Variants in MYT1L observed in about 807,000 individuals in gnomAD.
MYT1L encodes myelin transcription factor 1 like.
A neutral mutation model predicts 126.7 loss-of-function variants in MYT1L; 12 were observed. The ratio of observed to expected loss-of-function variants is 0.09; its 90% CI spans 0.06 to 0.15. The LOEUF (loss-of-function observed/expected upper bound fraction) is 0.15, where lower values mean the gene tolerates loss of function less well. Ranked by LOEUF, MYT1L falls within the 10% of genes least tolerant of loss-of-function variation. The pLI is 1.00. For synonymous variants in MYT1L, 541 were observed against 604.2 expected (o/e 0.90, Z 1.53); for missense variants, 979 against 1,585.2 (o/e 0.62, Z 6.49).
intron 14 of MYT1L, among the ~76,000 whole-genome samples, chr2:1,895,109 G>C (rs1339692028): frequency 1.3e-5 from 2 of 152,186 alleles, no homozygotes; most frequent in Non-Finnish European, 1.5e-5. Flanking sequence ...ATTCACAGTA[G>C]CCACAAAGAA....
chr2:2,239,652 C>A (rs535556066), intron 2 of MYT1L, among the ~76,000 whole-genome samples: 1 of 152,214 alleles, frequency 6.6e-6, no homozygotes, highest in Admixed American at 6.5e-5. Flanking sequence ...ATTTCCAAAA[C>A]CTGCTCTCAT....
intron 2 of MYT1L, among the ~76,000 whole-genome samples, chr2:2,245,207 A>G (rs923898485): frequency 6.6e-6 from 1 of 152,140 alleles, no homozygotes; most frequent in Non-Finnish European, 1.5e-5. Flanking sequence ...AAAAGATTGG[A>G]AGTATGGGTC....
At chr2:2,055,565 G>A (rs1344210346) in intron 3 of MYT1L, among the ~76,000 whole-genome samples, 1 of 152,150 alleles carries the variant, frequency 6.6e-6, no homozygotes. Flanking sequence ...AGGTTGGAAT[G>A]GTATTCGACA....
chr2:1,993,985 G>A (rs2061633744), intron 5 of MYT1L, among the ~76,000 whole-genome samples: 1 of 152,206 alleles, frequency 6.6e-6, no homozygotes, highest in Non-Finnish European at 1.5e-5. Context: ...CATAATAGCT[G>A]TCTGTACACT....
At chr2:2,311,742 T>C (rs895575119) in intron 1 of MYT1L, among the ~76,000 whole-genome samples, 1 of 152,172 alleles carries the variant, frequency 6.6e-6, no homozygotes, top group African/African-American at 2.4e-5. Context: ...GCAAGGCCTC[T>C]GTTCCCACCC....
intron 18 of MYT1L, among the ~76,000 whole-genome samples, chr2:1,869,560 C>T (rs1370529058): frequency 3.3e-5 from 5 of 152,318 alleles, no homozygotes; most frequent in East Asian, 1.9e-4. Context: ...GCCCTGGTTT[C>T]GGGGAGAAGC....
At position 2,284,497 on chromosome 2, in the gene MYT1L, A is replaced by T. The variant is rs1288805888; in HGVS notation, c.-514T>A. 3 of 152,136 alleles carry T rather than the reference A, an allele frequency of 2.0e-5. No individual in the cohort carries two copies. The highest frequency in any genetic ancestry group is 2.0e-4 in the Admixed American group (3 of 15,260). 9.4% of individuals were successfully genotyped at this position (152,136 alleles called of 1,614,324 possible). A position where few individuals can be genotyped will look rare whatever the true frequency, so the allele number is the denominator to read the frequency against. On this transcript the variant is annotated 5_prime_UTR_variant, in exon 2 of 25. Coordinates refer to ENST00000647738, the MANE Select transcript of MYT1L (RefSeq NM_001303052.2). Reference sequence around the variant, plus strand: ...CGTCCTTGGCTACAGCCTCCTCATGACCCGCCCTGCATGTAAGAGAAGAGG... The same window carrying T: ...CGTCCTTGGCTACAGCCTCCTCATGTCCCGCCCTGCATGTAAGAGAAGAGG...
At chr2:1,866,514 GGA>G (rs534898130) in intron 18 of MYT1L, among the ~76,000 whole-genome samples, 9 of 141,774 alleles carry the variant, frequency 6.3e-5, no homozygotes, top group Non-Finnish European at 1.2e-4. Flanking sequence ...AGAGAGAAGG[GGA>G]GAGAGAGAGT....
Position 1,876,245 on chromosome 2 carries a change from G to A in MYT1L, c.2711+10294C>T, listed in dbSNP as rs921004053. On this transcript the variant is annotated intron_variant, in intron 18 of 24. Transcript: ENST00000647738. ...CGGATTCTGTGGGCCCCTCTCGCTG[G>A]GGGTGGCAACAGACTCAGGGCGTGG... is the stretch of plus-strand genomic sequence containing the variant. Among the ~76,000 whole-genome samples the A allele has an allele frequency of 3.3e-5, 5 of 152,264 alleles. 1 individual carries two copies. The highest frequency in any genetic ancestry group is 1.5e-5 in the Non-Finnish European group (1 of 68,022).
At chr2:2,193,267 C>T (rs1321944049) in intron 2 of MYT1L, among the ~76,000 whole-genome samples, 1 of 152,168 alleles carries the variant, frequency 6.6e-6, no homozygotes, top group Non-Finnish European at 1.5e-5. Flanking sequence ...CATGAGACAC[C>T]ATGCCCGGAG....
intron 21 of MYT1L, chr2:1,825,185 G>A (rs1047563299): frequency 6.6e-6 from 1 of 152,310 alleles, no homozygotes; most frequent in Non-Finnish European, 1.5e-5. Flanking sequence ...AGGCCTCAGG[G>A]CTGGGAGCCG....
intron 1 of MYT1L, among the ~76,000 whole-genome samples, chr2:2,320,788 TC>T (rs1343822617): frequency 6.6e-6 from 1 of 152,184 alleles, no homozygotes; most frequent in Non-Finnish European, 1.5e-5. Flanking sequence ...AGCAAGTCTA[TC>T]TGTAGGAAAG....
At chr2:2,007,337 A>G (rs1303645559) in intron 4 of MYT1L, among the ~76,000 whole-genome samples, 1 of 152,124 alleles carries the variant, frequency 6.6e-6, no homozygotes, top group African/African-American at 2.4e-5. Flanking sequence ...CTATCTCTTG[A>G]TTTTTGGATA....
intron 4 of MYT1L, among the ~76,000 whole-genome samples, chr2:1,997,804 A>C (rs775782994): frequency 6.6e-6 from 1 of 152,236 alleles, no homozygotes; most frequent in South Asian, 2.1e-4. Context: ...TGATGTCTCC[A>C]GGGACTTCTG....
At chr2:1,826,045 G>A (rs2039283382) in intron 21 of MYT1L, 1 of 152,298 alleles carries the variant, frequency 6.6e-6, no homozygotes, top group African/African-American at 2.4e-5. Flanking sequence ...GGACAGTCGG[G>A]CCTGACAGCT....
intron 9 of MYT1L, among the ~76,000 whole-genome samples, chr2:1,925,639 C>A (rs1169702940): frequency 6.6e-6 from 1 of 152,194 alleles, no homozygotes; most frequent in Non-Finnish European, 1.5e-5. Context: ...TGAGAGCAGC[C>A]AAGGAGAAAG....
intron 1 of MYT1L, among the ~76,000 whole-genome samples, chr2:2,317,953 C>T (rs564153712): frequency 1.2e-4 from 19 of 152,288 alleles, no homozygotes; most frequent in Admixed American, 1.1e-3. Context: ...ACATGCTCCC[C>T]AGTCAAAGGA....
intron 3 of MYT1L, among the ~76,000 whole-genome samples, chr2:2,071,483 C>T (rs923536865): frequency 6.6e-6 from 1 of 152,102 alleles, no homozygotes; most frequent in Non-Finnish European, 1.5e-5. Flanking sequence ...CCATACAATA[C>T]GATAAATGTC....
Position 2,136,353 on chromosome 2 carries a change from C to T in MYT1L, c.-304+36519G>A, listed in dbSNP as rs527316368. Among the ~76,000 whole-genome samples the T allele has an allele frequency of 5.3e-5, 8 of 152,156 alleles. No homozygotes were observed. The South Asian group carries it at 1.5e-3, about 28-fold the overall frequency. On this transcript the variant is annotated intron_variant, in intron 3 of 24. Transcript: ENST00000647738. ...AAGGAGCGAGGAATTTAAATTCTTC[C>T]GCTCCTCACCGACAAGATCAGGTCT...
Sources: gnomAD v4.1 joint callset for allele counts (sites outside exome capture counted in the v4.1 genomes callset) on GRCh38, gnomAD v4.1.1 for gene constraint, MANE v1.5 for transcripts, NCBI Gene and HGNC (gene_info 2026-07-23, HGNC 2026-07-21) for gene names.